The following PCDHGA10 variants were observed in gnomAD, a reference collection of about 807,000 sequenced individuals.
The protein encoded by PCDHGA10 is protocadherin gamma-A10.
Under a neutral mutation model 59.5 loss-of-function variants are expected in PCDHGA10, and 42 were observed. The ratio of observed to expected loss-of-function variants is 0.71; its 90% CI spans 0.55 to 0.91. The LOEUF (loss-of-function observed/expected upper bound fraction) is 0.91. Ranked by LOEUF, PCDHGA10 falls within the 40% of genes least tolerant of loss-of-function variation. The pLI is 0.00. For missense variants in PCDHGA10, 1,111 were observed against 1,198.2 expected (o/e 0.93, Z 1.07); for synonymous variants, 511 against 517.2 (o/e 0.99, Z 0.16).
chr5:141,445,129 A>G (rs1405841381), intron 1 of PCDHGA10, among the ~76,000 whole-genome samples: 3 of 152,226 alleles, frequency 2.0e-5, no homozygotes, highest in Non-Finnish European at 4.4e-5. Context: ...TATTTTTAAA[A>G]TTGTATCTTC....
At chr5:141,460,455 A>G (rs1021070289) in intron 1 of PCDHGA10, among the ~76,000 whole-genome samples, 2 of 152,080 alleles carry the variant, frequency 1.3e-5, no homozygotes, top group African/African-American at 4.8e-5. Context: ...GAAGATTCAT[A>G]TTTTTTTCCA....
At chr5:141,479,573 C>A (rs1468041584) in intron 1 of PCDHGA10, 1 of 152,230 alleles carries the variant, frequency 6.6e-6, no homozygotes, top group Admixed American at 6.5e-5. Flanking sequence ...GGGATGACAT[C>A]TGTGAATAGC....
intron 1 of PCDHGA10, chr5:141,478,884 C>T (rs767294994): frequency 9.2e-5 from 110 of 1,194,180 alleles, no homozygotes; most frequent in Non-Finnish European, 1.2e-4. Context: ...AGCTTGGTAT[C>T]ATTTACATTA....
At chr5:141,496,583 C>A (rs990137003) in intron 2 of PCDHGA10, among the ~76,000 whole-genome samples, 1 of 152,168 alleles carries the variant, frequency 6.6e-6, no homozygotes, top group African/African-American at 2.4e-5. Flanking sequence ...TTTAGGAACG[C>A]AAAGCGCTTC....
At chr5:141,478,044 C>G in intron 1 of PCDHGA10, 1 of 1,614,184 alleles carries the variant, frequency 6.2e-7, no homozygotes. Flanking sequence ...CCCAGGCAGA[C>G]TCTCACGGTC....
At chr5:141,464,407 A>C (rs996561936) in intron 1 of PCDHGA10, among the ~76,000 whole-genome samples, 1 of 151,544 alleles carries the variant, frequency 6.6e-6, no homozygotes, top group Non-Finnish European at 1.5e-5. Flanking sequence ...CCTGAGATAT[A>C]TATATATCTA....
chr5:141,463,308 A>G (rs1233755540), intron 1 of PCDHGA10, among the ~76,000 whole-genome samples: 1 of 151,660 alleles, frequency 6.6e-6, no homozygotes, highest in Admixed American at 6.6e-5. Context: ...CCAAACTCTA[A>G]TATCTATTCC....
In PCDHGA10 at chr5:141,487,046, G is replaced by A; in HGVS notation, c.2437-7761G>A. ...CAGCCTGTTTGCAGTCTCTCGATATGCTGGGGAGGTGCGGACGGCTGTTCC... is the reference window on the plus strand; with the variant it reads ...CAGCCTGTTTGCAGTCTCTCGATATACTGGGGAGGTGCGGACGGCTGTTCC... On this transcript the variant is annotated intron_variant, in intron 1 of 3. Coordinates refer to ENST00000398610, the MANE Select transcript of PCDHGA10 (RefSeq NM_018913.3). The surrounding 1 kb of genome is among the most constrained non-coding windows in gnomAD (Gnocchi z 5.0). 6.2e-7 allele frequency: 1 copy of A among 1,614,192 alleles called. No individual in the cohort carries two copies. Among genetic ancestry groups the A allele is most frequent in the Non-Finnish European group, 8.5e-7 (1 of 1,180,040 alleles).
At chr5:141,458,075 A>G (rs1301404730) in intron 1 of PCDHGA10, among the ~76,000 whole-genome samples, 2 of 152,234 alleles carry the variant, frequency 1.3e-5, no homozygotes, top group Non-Finnish European at 2.9e-5. Flanking sequence ...GAACAACTAT[A>G]TTGCCGTAAG....
intron 1 of PCDHGA10, among the ~76,000 whole-genome samples, chr5:141,456,882 G>A (rs1039329600): frequency 6.6e-6 from 1 of 152,156 alleles, no homozygotes; most frequent in Non-Finnish European, 1.5e-5. Context: ...AGAATCGCTT[G>A]AACCCGGGAG....
intron 1 of PCDHGA10, among the ~76,000 whole-genome samples, chr5:141,433,482 C>T (rs935076625): frequency 3.3e-5 from 5 of 152,110 alleles, no homozygotes; most frequent in African/African-American, 9.6e-5. Flanking sequence ...TAGCCTCCTG[C>T]TTCTCCCTCC....
rs959855220 is a variant in PCDHGA10, at chr5:141,476,280, G to A, written c.2437-18527G>A. 4 of 1,614,010 alleles carry A rather than the reference G, an allele frequency of 2.5e-6. No individual in the cohort carries two copies. In the African/African-American group the frequency reaches 5.3e-5, roughly 22 times the overall value. On this transcript the variant is annotated intron_variant, in intron 1 of 3. Transcript: ENST00000398610. This position sits in a 1 kb window ranked among gnomAD's most constrained non-coding sequence, Gnocchi z 7.6. ...GTGGGCAACGTGGTCGCGAACCTTG[G>A]TTTGGATCTCGGTAGCCTCTCAGCC...
At position 141,415,308 on chromosome 5, in the gene PCDHGA10, C is replaced by A; in HGVS notation, c.2133C>A (p.Phe711Leu). The A allele has an allele frequency of 6.2e-7, 1 of 1,614,236 alleles. No homozygotes were observed. Among genetic ancestry groups the A allele is most frequent in the Non-Finnish European group, 8.5e-7 (1 of 1,180,042 alleles). The change falls in exon 1 of 4, where the codon TTC (phenylalanine) becomes TTA (leucine). Residue 711 changes from phenylalanine to leucine, a missense_variant. Physicochemically the swap from Phe to Leu is conservative, Grantham distance 22 (BLOSUM62 0). Transcript: ENST00000398610. ...VAAVSCVFLAFVIVLLAHRLR... is the reference protein window; with the variant it reads ...VAAVSCVFLALVIVLLAHRLR... ...CGGTCTCCTGCGTCTTCCTGGCCTT[C>A]GTCATCGTGCTGCTGGCGCACAGGC...
intron 1 of PCDHGA10, among the ~76,000 whole-genome samples, chr5:141,463,024 A>G (rs2099051235): frequency 6.6e-6 from 1 of 152,070 alleles, no homozygotes; most frequent in South Asian, 2.1e-4. Context: ...GACTTTTTTG[A>G]TTAATCTGAG....
Position 141,485,790 on chromosome 5 carries a change from C to G in PCDHGA10, c.2437-9017C>G. 6.2e-7 allele frequency: 1 copy of G among 1,614,204 alleles called. No homozygotes were observed. The highest frequency in any genetic ancestry group is 8.5e-7 in the Non-Finnish European group (1 of 1,180,032). ...AAGCCTTTGGATCGAGAGAAGCAAT[C>G]GGACTACCGCCTGGTGCTGACTGCT... On this transcript the variant is annotated intron_variant, in intron 1 of 3. Transcript: ENST00000398610. This position sits in a 1 kb window ranked among gnomAD's most constrained non-coding sequence, Gnocchi z 5.7.
In PCDHGA10 at chr5:141,430,673, C is replaced by T. The variant is rs183365013; in HGVS notation, c.2436+15062C>T. 1.5e-4 allele frequency: 198 copies of T among 1,288,318 alleles called. 2 individuals are homozygous for T. In the African/African-American group the frequency reaches 2.8e-3, roughly 18 times the overall value. The allele number at this position is 1,288,318 out of a possible 1,614,324, so 79.8% of individuals were successfully genotyped here. On this transcript the variant is annotated intron_variant, in intron 1 of 3. Coordinates refer to ENST00000398610, the MANE Select transcript of PCDHGA10 (RefSeq NM_018913.3). Reference sequence around the variant, plus strand: ...AAACAACGGAGGAGCTCTGACTTCCCAACTGTCCCATTCTATGGGCGAAGG... The same window carrying T: ...AAACAACGGAGGAGCTCTGACTTCCTAACTGTCCCATTCTATGGGCGAAGG...
At chr5:141,427,450 C>A in intron 1 of PCDHGA10, 1 of 486,442 alleles carries the variant, frequency 2.1e-6, no homozygotes, top group Non-Finnish European at 4.0e-6. Context: ...GAAAGAGTTC[C>A]TTTTAGAATC....
At position 141,511,963 on chromosome 5, in the gene PCDHGA10, AGT is replaced by A. The variant is rs1204123000; in HGVS notation, c.*796_*797del. On this transcript the variant is annotated 3_prime_UTR_variant, in exon 4 of 4. Transcript: ENST00000398610. ...ATGGGGTGGTAAGATAAGGAAGGGA[AGT>A]GTGTGGATGTGGATGGTGGGGGCAT... 1 of 153,636 alleles carries A rather than the reference AGT, an allele frequency of 6.5e-6. No individual in the cohort carries two copies. 9.5% of individuals were successfully genotyped at this position (153,636 alleles called of 1,614,324 possible).
At chr5:141,428,551 G>A (rs1192248816) in intron 1 of PCDHGA10, 1 of 254,070 alleles carries the variant, frequency 3.9e-6, no homozygotes, top group Non-Finnish European at 7.8e-6. Flanking sequence ...ACCAGAAACA[G>A]TCCCCCCACA....
Sources: allele counts gnomAD v4.1 joint callset (sites outside exome capture counted in the v4.1 genomes callset), GRCh38; gene constraint gnomAD v4.1.1; non-coding constraint Gnocchi (gnomAD v3.1); transcripts MANE v1.5; gene names NCBI Gene and HGNC (gene_info 2026-07-23, HGNC 2026-07-21).